The following RABL6 variants were observed in gnomAD, a reference collection of about 807,000 sequenced individuals.
The protein encoded by RABL6 is RAB, member RAS oncogene family like 6, also known as rab-like protein 6.
Under a neutral mutation model 72.9 loss-of-function variants are expected in RABL6, and 28 were observed. That is an observed-to-expected ratio of 0.38 (90% confidence interval 0.28 to 0.53). The LOEUF (loss-of-function observed/expected upper bound fraction) is 0.53. RABL6 is among the 20% of genes least tolerant of loss of function. The probability of loss-of-function intolerance (pLI) is 0.80; values close to 1 mark genes in which losing one functional copy is unlikely to be tolerated. For synonymous variants in RABL6, 477 were observed against 421.2 expected (o/e 1.13, Z -1.62); for missense variants, 1,029 against 1,008.4 (o/e 1.02, Z -0.28).
intron 7 of RABL6, chr9:136,833,749 C>T (rs1451744428): frequency 1.3e-6 from 2 of 1,550,366 alleles, no homozygotes; most frequent in African/African-American, 2.7e-5. Flanking sequence ...AGGAAAGGGG[C>T]TGTGCTGTCG....
intron 5 of RABL6, among the ~76,000 whole-genome samples, 178 bp from the exon 6 acceptor site, chr9:136,831,543 C>T (rs921598447): frequency 6.6e-6 from 1 of 152,024 alleles, no homozygotes; most frequent in African/African-American, 2.4e-5. Context: ...CTGAGGGGTG[C>T]GAAGGCCCTC....
At chr9:136,815,469 G>A in intron 1 of RABL6, 3 of 269,810 alleles carry the variant, frequency 1.1e-5, no homozygotes, top group South Asian at 4.3e-5. Context: ...TCCTCCTTCT[G>A]CCTCCTTTGG....
At chr9:136,819,466 C>T (rs1299525382) in intron 1 of RABL6, among the ~76,000 whole-genome samples, 1 of 152,090 alleles carries the variant, frequency 6.6e-6, no homozygotes, top group Non-Finnish European at 1.5e-5. Context: ...AAACAGAACT[C>T]ACCAGCTCGA....
Position 136,821,614 on chromosome 9 carries a change from C to T in RABL6, c.131-1911C>T, listed in dbSNP as rs377219930. ...AGAGCTGTGGGCCGCGCCCGGGTTC[C>T]TGCCTCGGGCCGGAGGAGGGAGGGC... On this transcript the variant is annotated intron_variant, in intron 1 of 14. Coordinates refer to ENST00000311502, the MANE Select transcript of RABL6 (RefSeq NM_024718.5). The T allele has an allele frequency of 8.4e-5, 83 of 987,444 alleles. No individual in the cohort carries two copies. The East Asian group carries it at 6.5e-3, about 77-fold the overall frequency. 61.2% of individuals were successfully genotyped at this position (987,444 alleles called of 1,614,324 possible).
chr9:136,827,110 T>G (rs1167649459), intron 3 of RABL6: 3 of 152,174 alleles, frequency 2.0e-5, no homozygotes, highest in Non-Finnish European at 4.4e-5. Flanking sequence ...CACCCACCTG[T>G]TAGCACCCAC....
intron 6 of RABL6, 42 bp downstream of exon 6, chr9:136,831,903 C>G (rs1342690940): frequency 6.4e-7 from 1 of 1,572,548 alleles, no homozygotes; most frequent in Non-Finnish European, 8.6e-7. Context: ...CTGCCCGGTG[C>G]TCCGGTGTGC....
rs1177618328 is a variant in RABL6, at chr9:136,837,959, C to T, written c.1224C>T (p.Thr408=). Residue 408 remains threonine, a synonymous_variant, in exon 10 of 15, where the codon ACC becomes ACT. Coordinates refer to ENST00000311502, the MANE Select transcript of RABL6 (RefSeq NM_024718.5). ...ACCGCAGCTTCCTGGAAGACACAAC[C>T]CCCGCCAGGGACGAGAAGAAGGTGG... ...RLDRSFLEDT[T]PARDEKKVGA... is the part of the protein sequence containing the mutation. 2 of 1,567,820 alleles carry T rather than the reference C, an allele frequency of 1.3e-6. No homozygotes were observed. The highest frequency in any genetic ancestry group is 1.7e-6 in the Non-Finnish European group (2 of 1,157,214).
chr9:136,832,949 C>T, intron 7 of RABL6: 1 of 336,074 alleles, frequency 3.0e-6, no homozygotes, highest in Non-Finnish European at 5.8e-6. Context: ...ACCTCCTCGC[C>T]CTGGGCTGCC....
intron 8 of RABL6, chr9:136,836,127 G>C: frequency 2.8e-6 from 1 of 357,274 alleles, no homozygotes; most frequent in Non-Finnish European, 5.1e-6. Flanking sequence ...GAGTGCTGCT[G>C]GGGCTGCCTG....
intron 1 of RABL6, chr9:136,813,328 A>T: frequency 1.4e-6 from 1 of 712,396 alleles, no homozygotes; most frequent in Non-Finnish European, 2.5e-6. Flanking sequence ...GGGCACTTTG[A>T]TAAAAGTTGC....
chr9:136,812,308 C>T (rs577356053), intron 1 of RABL6, among the ~76,000 whole-genome samples: 172 of 152,172 alleles, frequency 1.1e-3, no homozygotes, highest in African/African-American at 3.9e-3. Context: ...ACCTGTAATC[C>T]CAGCACTTTG....
At chr9:136,831,644 G>C in intron 5 of RABL6, 77 bp from the exon 6 acceptor site, 6 of 1,585,122 alleles carry the variant, frequency 3.8e-6, no homozygotes, top group Non-Finnish European at 5.2e-6. Flanking sequence ...CTCGGGCCTG[G>C]GCGCACAGCA....
intron 7 of RABL6, 48 bp from the exon 8 acceptor site, chr9:136,835,694 C>T (rs768280459): frequency 6.3e-5 from 95 of 1,499,128 alleles, no homozygotes; most frequent in Middle Eastern, 4.6e-4. Context: ...CTGGGGCACT[C>T]GCAGCAGGAA....
At chr9:136,833,769 CAGA>C (rs776542500) in intron 7 of RABL6, 160 of 1,550,324 alleles carry the variant, frequency 1.0e-4, no homozygotes, top group Middle Eastern at 5.0e-4. Context: ...GTCCTGGTGT[CAGA>C]AGAAGTGAGG....
At chr9:136,834,713 G>A (rs1029804501) in intron 7 of RABL6, among the ~76,000 whole-genome samples, 2 of 151,998 alleles carry the variant, frequency 1.3e-5, no homozygotes, top group East Asian at 1.9e-4. Context: ...TCTTGACCTC[G>A]TGATCTGCCC....
At position 136,837,916 on chromosome 9, in the gene RABL6, T is replaced by C. The variant is rs771339484; in HGVS notation, c.1181T>C (p.Val394Ala). The C allele has an allele frequency of 4.5e-6, 7 of 1,553,160 alleles. No individual in the cohort carries two copies. The highest frequency in any genetic ancestry group is 3.5e-6 in the Non-Finnish European group (4 of 1,148,788). ...PATVQSVEDFVPDDRLDRSFL... is the reference protein window; with the variant it reads ...PATVQSVEDFAPDDRLDRSFL... The stretch of plus-strand genomic sequence containing the variant: ...ACGGTCCAGAGTGTGGAGGACTTTG[T>C]TCCTGACGACCGCCTGGACCGCAGC... The change falls in exon 10 of 15, where the codon GTT becomes GCT. Residue 394 changes from valine (V) to alanine (A), a missense_variant. By Grantham distance (64) the Val-to-Ala change is moderately conservative (BLOSUM62 0). Transcript: ENST00000311502.
intron 4 of RABL6, among the ~76,000 whole-genome samples, chr9:136,828,858 G>A (rs947467773): frequency 2.0e-5 from 3 of 152,132 alleles, no homozygotes; most frequent in Non-Finnish European, 2.9e-5. Context: ...CAAAGCACAG[G>A]ACACATCTCG....
intron 8 of RABL6, 58 bp from the exon 9 acceptor site, chr9:136,837,288 T>C (rs961871197): frequency 6.6e-7 from 1 of 1,508,926 alleles, no homozygotes; most frequent in Admixed American, 1.9e-5. Flanking sequence ...CCCTGTCACC[T>C]GAGGGCCTCA....
chr9:136,824,198 G>C (rs1261560573), intron 2 of RABL6, among the ~76,000 whole-genome samples: 1 of 152,138 alleles, frequency 6.6e-6, no homozygotes, highest in East Asian at 1.9e-4. Context: ...TGGGGGAGGT[G>C]ACAGCTGTGG....
Sources: gnomAD v4.1 joint callset for allele counts (sites outside exome capture counted in the v4.1 genomes callset) on GRCh38, gnomAD v4.1.1 for gene constraint, MANE v1.5 for transcripts, NCBI Gene and HGNC (gene_info 2026-07-23, HGNC 2026-07-21) for gene names.